The following WDR49 variants were observed in gnomAD, a reference collection of about 807,000 sequenced individuals.
The protein encoded by WDR49 is cilia- and flagella-associated protein 337.
Under a neutral mutation model 119.5 loss-of-function variants are expected in WDR49, and 107 were observed. That is an observed-to-expected ratio of 0.90 (90% CI 0.77 to 1.05). The LOEUF is 1.05. WDR49 is among the 50% of genes least tolerant of loss of function. WDR49 has a pLI of 0.00. For missense variants in WDR49, 1,240 were observed against 1,220.5 expected (o/e 1.02, Z -0.24); for synonymous variants, 425 against 418.8 (o/e 1.01, Z -0.18).
At chr3:167,649,547 G>A (rs142237765) in intron 2 of WDR49, among the ~76,000 whole-genome samples, 23 of 152,264 alleles carry the variant, frequency 1.5e-4, no homozygotes, top group African/African-American at 2.6e-4. Context: ...TGTATTACCC[G>A]TTAAGCACAA....
intron 10 of WDR49, among the ~76,000 whole-genome samples, chr3:167,545,712 G>A (rs1416279112): frequency 1.3e-5 from 2 of 150,088 alleles, no homozygotes; most frequent in Non-Finnish European, 3.0e-5. Flanking sequence ...GTACTTGCGG[G>A]GAAGGGTGGA....
rs1473575975 is a variant in WDR49, at chr3:167,653,305, G to A, written c.121C>T (p.Gln41Ter). The stretch of plus-strand genomic sequence containing the variant: ...TTTACAAAGTCACCCACGCTGAGTT[G>A]GTTTTCAAGCAGGCCTGTGCCATAG... ...EDYGTGLLEN[Q>*]LSVGDFVKIQ... The change falls in exon 2 of 19, where the codon CAA becomes TAA. Residue 41 changes from glutamine to a stop codon, truncating the protein, a stop_gained. Coordinates refer to ENST00000682715, the MANE Select transcript of WDR49 (RefSeq NM_001366157.1). LOFTEE classifies it high-confidence loss of function. 13 of 1,536,028 alleles carry A rather than the reference G, an allele frequency of 8.5e-6. No individual in the cohort carries two copies. The highest frequency in any genetic ancestry group is 1.7e-6 in the Non-Finnish European group (2 of 1,146,920).
At chr3:167,496,909 C>G (rs1056319953) in intron 18 of WDR49, among the ~76,000 whole-genome samples, 5 of 147,726 alleles carry the variant, frequency 3.4e-5, no homozygotes, top group African/African-American at 1.3e-4. Flanking sequence ...GACTTTACCT[C>G]TACTAACGAG....
chr3:167,621,976 C>A (rs978923133), intron 3 of WDR49, among the ~76,000 whole-genome samples: 3 of 152,042 alleles, frequency 2.0e-5, no homozygotes, highest in African/African-American at 7.2e-5. Context: ...TACAATCATA[C>A]CAGAAACTTT....
chr3:167,564,993 A>AT (rs750734039), intron 8 of WDR49, among the ~76,000 whole-genome samples: 4 of 151,296 alleles, frequency 2.6e-5, no homozygotes, highest in African/African-American at 4.8e-5. Flanking sequence ...GCTGTTTATA[A>AT]TTTTTTTTTG....
chr3:167,629,385 A>G (rs1717266833), intron 2 of WDR49, among the ~76,000 whole-genome samples: 1 of 152,124 alleles, frequency 6.6e-6, no homozygotes, highest in Non-Finnish European at 1.5e-5. Context: ...ACTGCTTTGA[A>G]AAAATATTCC....
intron 18 of WDR49, among the ~76,000 whole-genome samples, chr3:167,494,151 A>G (rs1347242534): frequency 2.0e-5 from 3 of 152,198 alleles, no homozygotes; most frequent in African/African-American, 7.2e-5. Flanking sequence ...AGAGGCAGGC[A>G]TCATTATCCC....
chr3:167,636,487 C>A (rs1405853191), intron 2 of WDR49, among the ~76,000 whole-genome samples: 1 of 151,372 alleles, frequency 6.6e-6, no homozygotes, highest in African/African-American at 2.4e-5. Flanking sequence ...ATAATGACTT[C>A]TTTTCCTCTG....
chr3:167,640,709 C>T (rs751444391), intron 2 of WDR49, among the ~76,000 whole-genome samples: 2 of 151,678 alleles, frequency 1.3e-5, no homozygotes, highest in Non-Finnish European at 2.9e-5. Context: ...GATCAAGCTG[C>T]TGTAAAAAAG....
chr3:167,494,088 A>G (rs1751253166), intron 18 of WDR49, among the ~76,000 whole-genome samples: 1 of 152,210 alleles, frequency 6.6e-6, no homozygotes, highest in South Asian at 2.1e-4. Flanking sequence ...GACATCATCT[A>G]GTGAATGGTT....
At chr3:167,584,984 C>T (rs1714731669) in intron 7 of WDR49, among the ~76,000 whole-genome samples, 2 of 151,840 alleles carry the variant, frequency 1.3e-5, no homozygotes, top group African/African-American at 4.8e-5. Flanking sequence ...TTGTTATATG[C>T]ATTGCAAATA....
intron 10 of WDR49, among the ~76,000 whole-genome samples, chr3:167,538,068 A>G (rs1198135917): frequency 6.6e-6 from 1 of 152,050 alleles, no homozygotes; most frequent in African/African-American, 2.4e-5. Flanking sequence ...ACAATGGAAC[A>G]TTCCTTATCT....
intron 7 of WDR49, among the ~76,000 whole-genome samples, chr3:167,584,107 G>A (rs1358669424): frequency 6.6e-6 from 1 of 152,028 alleles, no homozygotes; most frequent in Non-Finnish European, 1.5e-5. Flanking sequence ...AATTACAAGA[G>A]AGTTCAAGAA....
chr3:167,613,766 GA>G (rs1398142038), intron 5 of WDR49, among the ~76,000 whole-genome samples: 2 of 151,584 alleles, frequency 1.3e-5, no homozygotes, highest in African/African-American at 4.8e-5. Flanking sequence ...CTAACATGGC[GA>G]AACCCCGTCT....
intron 2 of WDR49, among the ~76,000 whole-genome samples, chr3:167,645,332 T>C (rs1219738810): frequency 1.3e-5 from 2 of 152,048 alleles, no homozygotes; most frequent in Non-Finnish European, 2.9e-5. Flanking sequence ...CCCCTCAGCC[T>C]CCCGAGTAGC....
intron 7 of WDR49, among the ~76,000 whole-genome samples, chr3:167,580,569 T>C (rs1031072482): frequency 1.3e-5 from 2 of 152,272 alleles, no homozygotes; most frequent in African/African-American, 4.8e-5. Flanking sequence ...ATAATCTCCT[T>C]GAAAAAGAAA....
chr3:167,558,078 C>A (rs1472626897), intron 9 of WDR49, among the ~76,000 whole-genome samples: 3 of 151,940 alleles, frequency 2.0e-5, no homozygotes, highest in African/African-American at 2.4e-5. Flanking sequence ...CACAGTGAGA[C>A]CCTGTCTCTA....
At chr3:167,587,492 T>C (rs1714879855) in intron 7 of WDR49, among the ~76,000 whole-genome samples, 1 of 152,128 alleles carries the variant, frequency 6.6e-6, no homozygotes, top group Non-Finnish European at 1.5e-5. Context: ...TTTTTTTCAC[T>C]TTTTCTTTTT....
intron 7 of WDR49, among the ~76,000 whole-genome samples, chr3:167,597,802 T>C (rs1043784435): frequency 6.6e-6 from 1 of 152,178 alleles, no homozygotes; most frequent in African/African-American, 2.4e-5. Context: ...TTGTGGCCAA[T>C]TTCTCCCTTT....
Sources: allele counts gnomAD v4.1 joint callset (sites outside exome capture counted in the v4.1 genomes callset), GRCh38; gene constraint gnomAD v4.1.1; transcripts MANE v1.5; gene names NCBI Gene and HGNC (gene_info 2026-07-23, HGNC 2026-07-21).